Variants in ERMP1 observed in about 807,000 individuals in gnomAD.
ERMP1 encodes the protein endoplasmic reticulum metallopeptidase 1, also known as Felix-ina.
ERMP1 carries 86 observed loss-of-function variants against 92.0 expected under a neutral mutation model. The ratio of observed to expected loss-of-function variants is 0.93; its 90% CI spans 0.79 to 1.12. ERMP1 has a LOEUF of 1.12. ERMP1 is among the 50% of genes most tolerant of loss of function. The probability of loss-of-function intolerance (pLI) is 0.00; values close to 1 mark genes in which losing one functional copy is unlikely to be tolerated. For synonymous variants in ERMP1, 530 were observed against 412.8 expected (o/e 1.28, Z -3.44); for missense variants, 1,342 against 1,116.3 (o/e 1.20, Z -2.88).
intron 13 of ERMP1, among the ~76,000 whole-genome samples, chr9:5,791,473 T>C (rs151088124): frequency 1.6e-4 from 25 of 152,292 alleles, no homozygotes; most frequent in African/African-American, 6.0e-4. Flanking sequence ...CAGAAAATAT[T>C]TTCACAGAAA....
At chr9:5,798,737 A>G (rs1313938593) in intron 12 of ERMP1, 69 bp downstream of exon 12, 2 of 946,688 alleles carry the variant, frequency 2.1e-6, no homozygotes, top group African/African-American at 1.6e-5. Flanking sequence ...AGTTTAAATG[A>G]TAAGAGTACT....
chr9:5,805,581 C>A (rs773819912), intron 9 of ERMP1, 30 bp downstream of exon 9: 4 of 1,527,744 alleles, frequency 2.6e-6, no homozygotes, highest in Middle Eastern at 1.8e-4. Flanking sequence ...AGGTATTCTC[C>A]CATGTATATC....
At chr9:5,862,444 C>T (rs889894106) in intron 5 of ERMP1, among the ~76,000 whole-genome samples, 1 of 152,100 alleles carries the variant, frequency 6.6e-6, no homozygotes, top group African/African-American at 2.4e-5. Context: ...GAGATCCTCT[C>T]ACCTCAGCCT....
chr9:5,831,082 G>C, intron 1 of ERMP1, 54 bp from the exon 2 acceptor site: 1 of 1,471,846 alleles, frequency 6.8e-7, no homozygotes, highest in South Asian at 1.3e-5. Context: ...GACACTTAGC[G>C]TGGGTAACTT....
At chr9:5,848,220 G>A (rs888353028) in intron 6 of ERMP1, among the ~76,000 whole-genome samples, 6 of 152,194 alleles carry the variant, frequency 3.9e-5, no homozygotes, top group Non-Finnish European at 8.8e-5. Flanking sequence ...GATTATCCCA[G>A]TTATCTGGGT....
intron 3 of ERMP1, 140 bp from the exon 4 acceptor site, chr9:5,824,141 A>G (rs1829646670): frequency 1.5e-6 from 1 of 660,796 alleles, no homozygotes; most frequent in East Asian, 2.7e-5. Flanking sequence ...GGCAGTATCC[A>G]AAGACATCTT....
intron 6 of ERMP1, among the ~76,000 whole-genome samples, chr9:5,852,879 G>C (rs537431333): frequency 6.6e-6 from 1 of 152,018 alleles, no homozygotes; most frequent in African/African-American, 2.4e-5. Context: ...CTGACTACAG[G>C]GTCATCTCAC....
intron 13 of ERMP1, among the ~76,000 whole-genome samples, chr9:5,796,978 G>A (rs969117271): frequency 2.6e-5 from 4 of 152,100 alleles, no homozygotes; most frequent in Admixed American, 1.3e-4. Flanking sequence ...CGGGGGGCAG[G>A]ATATGAGAAC....
chr9:5,798,696 A>C lies in ERMP1; in HGVS notation c.2270+110T>G, dbSNP rs1234820867. 6 of 665,152 alleles carry C rather than the reference A, an allele frequency of 9.0e-6. No individual in the cohort carries two copies. The East Asian group carries it at 1.1e-4, about 12-fold the overall frequency. The allele number at this position is 665,152 out of a possible 1,614,324, so 41.2% of individuals were successfully genotyped here. A position where few individuals can be genotyped will look rare whatever the true frequency, so the allele number is the denominator to read the frequency against. ...CATAATGATAGAAAAAATAGTACAA[A>C]CACCACTGAACTTGTATATTAAAGG... is the stretch of plus-strand genomic sequence containing the variant. On this transcript the variant is annotated intron_variant, in intron 12 of 14. Coordinates refer to ENST00000339450, the MANE Select transcript of ERMP1 (RefSeq NM_024896.3).
intron 8 of ERMP1, among the ~76,000 whole-genome samples, chr9:5,808,366 T>A (rs1197607981): frequency 6.6e-6 from 1 of 152,226 alleles, no homozygotes; most frequent in African/African-American, 2.4e-5. Flanking sequence ...CATGTGAAAT[T>A]GAGCCCCACG....
chr9:5,798,187 C>A (rs1292420513), intron 12 of ERMP1, among the ~76,000 whole-genome samples: 1 of 152,122 alleles, frequency 6.6e-6, no homozygotes, highest in African/African-American at 2.4e-5. Flanking sequence ...CCTTCACTGC[C>A]AAGCTATAAA....
chr9:5,810,110 TGAGA>T lies in ERMP1; in HGVS notation c.1445_1448del (p.Leu482HisfsTer18). The T allele has an allele frequency of 6.2e-7, 1 of 1,613,826 alleles. No individual in the cohort carries two copies. Among genetic ancestry groups the T allele is most frequent in the South Asian group, 1.1e-5 (1 of 91,070 alleles). On this transcript the variant is annotated frameshift_variant, in exon 8 of 15. Transcript: ENST00000339450. LOFTEE classifies it high-confidence loss of function. ...CGGAGACATAGAAGTGGTTATACCA[TGAGA>T]GAGACTGTCCAATAAGAGAGATGAA...
upstream of ERMP1, among the ~76,000 whole-genome samples, chr9:5,833,875 C>CA (rs1370879864): frequency 6.6e-6 from 1 of 152,194 alleles, no homozygotes; most frequent in East Asian, 1.9e-4. Context: ...GGTTAAGCAG[C>CA]AGAGCCTTGG....
chr9:5,835,415 A>G (rs1830081810), upstream of ERMP1, among the ~76,000 whole-genome samples: 1 of 152,248 alleles, frequency 6.6e-6, no homozygotes, highest in Non-Finnish European at 1.5e-5. Flanking sequence ...AGAAAAATAA[A>G]GCAGGGAAAT....
At chr9:5,798,562 G>T (rs1190029808) in intron 12 of ERMP1, among the ~76,000 whole-genome samples, 1 of 151,634 alleles carries the variant, frequency 6.6e-6, no homozygotes, top group African/African-American at 2.4e-5. Flanking sequence ...TAGTTAGAAG[G>T]GCCACCTTTT....
chr9:5,815,780 G>A (rs1010521369), intron 4 of ERMP1, among the ~76,000 whole-genome samples: 4 of 151,936 alleles, frequency 2.6e-5, no homozygotes, highest in African/African-American at 7.3e-5. Flanking sequence ...TTAATCAAAC[G>A]ATGAAAATGT....
Position 5,787,540 on chromosome 9 carries a change from G to A in ERMP1, c.2440C>T (p.Gln814Ter), listed in dbSNP as rs1827995206. The A allele has an allele frequency of 5.6e-6, 9 of 1,614,002 alleles. No homozygotes were observed. Among genetic ancestry groups the A allele is most frequent in the African/African-American group, 2.7e-5 (2 of 74,936 alleles). Residue 814 changes from glutamine (Q) to a stop codon, truncating the protein, a stop_gained, in exon 14 of 15, where the codon CAG (glutamine) becomes TAG (stop). Coordinates refer to ENST00000339450, the MANE Select transcript of ERMP1 (RefSeq NM_024896.3). LOFTEE classifies it high-confidence loss of function. ...VRAHKGSTLSQWSLGNGTPVT... is the reference protein window; with the variant it reads ...VRAHKGSTLS ...GGGGTGCCATTGCCAAGAGACCACT[G>A]AGAAAGTGTTGACCCTTTGTGGGCT...
intron 13 of ERMP1, among the ~76,000 whole-genome samples, chr9:5,793,291 T>C (rs563121973): frequency 6.6e-6 from 1 of 150,646 alleles, no homozygotes; most frequent in Non-Finnish European, 1.5e-5. Flanking sequence ...AATAGTAGTG[T>C]AACTGACATG....
At chr9:5,819,990 AAAAGAATT>A (rs1392996844) in intron 4 of ERMP1, among the ~76,000 whole-genome samples, 1 of 152,246 alleles carries the variant, frequency 6.6e-6, no homozygotes, top group African/African-American at 2.4e-5. Context: ...AACTTTAAAA[AAAAGAATT>A]CATTCTAAAG....
Sources: gnomAD v4.1 joint callset for allele counts (sites outside exome capture counted in the v4.1 genomes callset) on GRCh38, gnomAD v4.1.1 for gene constraint, MANE v1.5 for transcripts, NCBI Gene and HGNC (gene_info 2026-07-23, HGNC 2026-07-21) for gene names.